The following AFF3 variants were observed in gnomAD, a reference collection of about 807,000 sequenced individuals.
AFF3 encodes the protein ALF transcription elongation factor 3.
In AFF3, 32 loss-of-function variants were observed where a neutral mutation model predicts 129.7. The ratio of observed to expected loss-of-function variants is 0.25; its 90% CI spans 0.19 to 0.33. The LOEUF is 0.33. AFF3 is among the 10% of genes least tolerant of loss of function. The probability of loss-of-function intolerance (pLI) is 1.00; values close to 1 mark genes in which losing one functional copy is unlikely to be tolerated. For missense variants in AFF3, 1,373 were observed against 1,592.0 expected (o/e 0.86, Z 2.34); for synonymous variants, 644 against 635.4 (o/e 1.01, Z -0.20).
At chr2:100,008,674 G>T (rs1383515128) in intron 5 of AFF3, 138 bp downstream of exon 5, 2 of 1,067,484 alleles carry the variant, frequency 1.9e-6, no homozygotes, top group Non-Finnish European at 2.6e-6. Context: ...GTACTTGGTG[G>T]CTGAGCTGTC....
chr2:100,105,431 C>T, intron 3 of AFF3, 73 bp downstream of exon 3: 2 of 1,318,982 alleles, frequency 1.5e-6, no homozygotes, highest in East Asian at 4.6e-5. Context: ...GCGGTTTGGC[C>T]TCCAGTGGTG....
Position 99,634,961 on chromosome 2 carries a change from T to TCACACA in AFF3, c.1184+14664_1184+14665insTGTGTG, listed in dbSNP as rs1480207163. ...CGACTTGAGGCAGAGCTGGATTCTG[T>TCACACA]CATACACACACACACACACACACAC... On this transcript the variant is annotated intron_variant, in intron 13 of 24. Coordinates refer to ENST00000672756, the MANE Select transcript of AFF3 (RefSeq NM_001386135.1). 7.3e-3 allele frequency among the ~76,000 whole-genome samples: 400 copies of TCACACA among 54,442 alleles called. 3 individuals carry two copies. The highest frequency in any genetic ancestry group is 0.012 in the Non-Finnish European group (318 of 25,820). 35.7% of individuals were successfully genotyped at this position (54,442 alleles called of 152,430 possible).
chr2:99,943,310 T>C (rs192024624), intron 7 of AFF3, among the ~76,000 whole-genome samples: 1 of 152,348 alleles, frequency 6.6e-6, no homozygotes, highest in South Asian at 2.1e-4. Flanking sequence ...TGCTGGACAG[T>C]GTCTGCAGTC....
intron 4 of AFF3, among the ~76,000 whole-genome samples, chr2:100,083,012 G>C (rs150085702): frequency 6.6e-6 from 1 of 152,128 alleles, no homozygotes; most frequent in Non-Finnish European, 1.5e-5. Flanking sequence ...CCCGGGAGGC[G>C]GAGGTTGTGG....
chr2:99,944,567 C>T (rs1675378257), intron 7 of AFF3, among the ~76,000 whole-genome samples: 1 of 152,210 alleles, frequency 6.6e-6, no homozygotes, highest in South Asian at 2.1e-4. Context: ...GGGTCAGCCT[C>T]ACCTTCCATG....
chr2:99,739,630 T>C (rs1284016892), intron 10 of AFF3, among the ~76,000 whole-genome samples: 1 of 151,728 alleles, frequency 6.6e-6, no homozygotes, highest in Non-Finnish European at 1.5e-5. Context: ...TTTAAAAGAT[T>C]TGTATTGAAA....
At chr2:99,670,674 G>A (rs1687076200) in intron 12 of AFF3, among the ~76,000 whole-genome samples, 1 of 152,124 alleles carries the variant, frequency 6.6e-6, no homozygotes, top group African/African-American at 2.4e-5. Flanking sequence ...GATTAGACCA[G>A]GTTATAATTA....
At position 99,672,556 on chromosome 2, in the gene AFF3, A is replaced by G; in HGVS notation, c.1125T>C (p.Asp375=). 6.2e-7 allele frequency: 1 copy of G among 1,614,164 alleles called. No homozygotes were observed. The highest frequency in any genetic ancestry group is 8.5e-7 in the Non-Finnish European group (1 of 1,180,014). The change falls in exon 12 of 25, where the codon GAT becomes GAC. Residue 375 remains aspartate (D), a synonymous_variant. Coordinates refer to ENST00000672756, the MANE Select transcript of AFF3 (RefSeq NM_001386135.1). The stretch of plus-strand genomic sequence containing the variant: ...ATCTTACCTGTTCATTCTCCTCTTC[A>G]TCACTGCTTAGCTTAAGGTCATCTT... ...MLEDDLKLSS[D]EEENEQQAAQ...
intron 13 of AFF3, among the ~76,000 whole-genome samples, chr2:99,640,945 G>A (rs751897792): frequency 2.6e-5 from 4 of 152,164 alleles, no homozygotes; most frequent in Non-Finnish European, 5.9e-5. Context: ...CTGCGTAACC[G>A]AAGATCCCTC....
intron 10 of AFF3, among the ~76,000 whole-genome samples, chr2:99,727,514 C>T (rs1679454861): frequency 1.3e-5 from 2 of 151,686 alleles, no homozygotes; most frequent in Non-Finnish European, 2.9e-5. Context: ...CTTCTGCTAA[C>T]ATAAGCCAAA....
intron 11 of AFF3, among the ~76,000 whole-genome samples, chr2:99,677,051 TGA>T (rs1238211885): frequency 2.0e-5 from 3 of 152,146 alleles, no homozygotes; most frequent in Non-Finnish European, 4.4e-5. Flanking sequence ...GGCGGATCAT[TGA>T]GCCCAAGAGT....
intron 4 of AFF3, among the ~76,000 whole-genome samples, chr2:100,103,205 T>C (rs1366146444): frequency 6.6e-6 from 1 of 152,184 alleles, no homozygotes; most frequent in Non-Finnish European, 1.5e-5. Flanking sequence ...CAGATCCACA[T>C]ATCATCTATA....
chr2:100,118,846 C>G (rs1691834065), intron 2 of AFF3, among the ~76,000 whole-genome samples: 2 of 150,102 alleles, frequency 1.3e-5, no homozygotes, highest in Admixed American at 6.6e-5. Context: ...GAGTCTCGCT[C>G]TGTCGCCCAG....
intron 8 of AFF3, 42 bp from the exon 9 acceptor site, chr2:99,752,343 A>G (rs2105205788): frequency 6.5e-7 from 1 of 1,545,388 alleles, no homozygotes; most frequent in South Asian, 1.1e-5. Context: ...TGATACAGAC[A>G]GTATTTAAAA....
At chr2:99,701,319 A>C (rs527575531) in intron 11 of AFF3, among the ~76,000 whole-genome samples, 161 of 152,266 alleles carry the variant, frequency 1.1e-3, no homozygotes, top group African/African-American at 3.7e-3. Context: ...AAAAGGAAAG[A>C]ACGTCTCTTC....
chr2:100,047,675 A>C (rs902237144), intron 4 of AFF3, among the ~76,000 whole-genome samples: 1 of 152,262 alleles, frequency 6.6e-6, no homozygotes, highest in Non-Finnish European at 1.5e-5. Flanking sequence ...ATGTTTAGGC[A>C]ATGCAGTAAT....
intron 7 of AFF3, among the ~76,000 whole-genome samples, chr2:99,997,769 C>T (rs1467273042): frequency 6.6e-6 from 1 of 152,200 alleles, no homozygotes; most frequent in African/African-American, 2.4e-5. Context: ...GAGGCACATT[C>T]CCACTCAGCC....
chr2:100,134,295 T>C (rs1692546553), intron 1 of AFF3, among the ~76,000 whole-genome samples: 1 of 152,360 alleles, frequency 6.6e-6, no homozygotes, highest in South Asian at 2.1e-4. Context: ...TAAAATTTCA[T>C]CAATATTATT....
At chr2:100,130,135 C>T (rs1468221938) in intron 1 of AFF3, among the ~76,000 whole-genome samples, 5 of 152,118 alleles carry the variant, frequency 3.3e-5, no homozygotes, top group East Asian at 1.9e-4. Context: ...GCGTGTGGCA[C>T]GTAAAGCAGA....
Sources: gnomAD v4.1 joint callset for allele counts (sites outside exome capture counted in the v4.1 genomes callset) on GRCh38, gnomAD v4.1.1 for gene constraint, MANE v1.5 for transcripts, NCBI Gene and HGNC (gene_info 2026-07-23, HGNC 2026-07-21) for gene names.